The following NRXN1 variants were observed in gnomAD, a reference collection of about 807,000 sequenced individuals.
The protein encoded by NRXN1 is neurexin 1.
Under a neutral mutation model 150.9 loss-of-function variants are expected in NRXN1, and 39 were observed. The observed-to-expected ratio is 0.26, with a 90% CI of 0.20 to 0.34. The LOEUF (loss-of-function observed/expected upper bound fraction) is 0.34. NRXN1 is among the 10% of genes least tolerant of loss of function. NRXN1 has a pLI of 1.00. For synonymous variants in NRXN1, 924 were observed against 757.0 expected, an observed-to-expected ratio of 1.22 and a Z score of -3.62; for missense variants, 1,815 against 1,949.9, an observed-to-expected ratio of 0.93 and a Z score of 1.30.
At chr2:50,008,055 C>A (rs1685059790) in intron 21 of NRXN1, among the ~76,000 whole-genome samples, 1 of 152,134 alleles carries the variant, frequency 6.6e-6, no homozygotes, top group East Asian at 1.9e-4. Context: ...TACTTATTCT[C>A]TTTAAATGTG....
At chr2:50,972,206 G>C (rs547112435) in intron 2 of NRXN1, among the ~76,000 whole-genome samples, 75 of 152,060 alleles carry the variant, frequency 4.9e-4, no homozygotes, top group Non-Finnish European at 8.8e-4. Context: ...TGCCCATTTG[G>C]AAAGGTTCAT....
At chr2:50,459,374 GTCACATGGGTTTGTTGTACAGA>G (rs2087924407) in intron 17 of NRXN1, among the ~76,000 whole-genome samples, 1 of 152,024 alleles carries the variant, frequency 6.6e-6, no homozygotes, top group Non-Finnish European at 1.5e-5. Context: ...GTAAACTTGT[GTCACATGGGTTTGTTGTACAGA>G]TCACTTCATC....
At chr2:50,200,528 A>C (rs2062084547) in intron 18 of NRXN1, among the ~76,000 whole-genome samples, 1 of 152,174 alleles carries the variant, frequency 6.6e-6, no homozygotes, top group Non-Finnish European at 1.5e-5. Flanking sequence ...ACAAGGCTGC[A>C]GATAGCGACA....
intron 17 of NRXN1, among the ~76,000 whole-genome samples, chr2:50,319,449 C>T (rs1558517015): frequency 6.6e-6 from 1 of 152,124 alleles, no homozygotes; most frequent in East Asian, 1.9e-4. Flanking sequence ...GAGAAAAAGA[C>T]ACCTGACTAA....
chr2:50,591,064 T>C (rs938171085), intron 8 of NRXN1, among the ~76,000 whole-genome samples: 2 of 152,154 alleles, frequency 1.3e-5, no homozygotes, highest in East Asian at 3.9e-4. Flanking sequence ...TTGATCAACA[T>C]GCTGCAAAGA....
At chr2:50,548,558 C>T (rs1393589105) in intron 9 of NRXN1, among the ~76,000 whole-genome samples, 1 of 151,642 alleles carries the variant, frequency 6.6e-6, no homozygotes, top group Non-Finnish European at 1.5e-5. Flanking sequence ...TTTAGAGTAT[C>T]AGGGGTTGTT....
At chr2:50,277,026 G>A (rs2070571215) in intron 17 of NRXN1, among the ~76,000 whole-genome samples, 1 of 152,044 alleles carries the variant, frequency 6.6e-6, no homozygotes, top group Non-Finnish European at 1.5e-5. Flanking sequence ...CAGAAGGATA[G>A]CCTTACCTTT....
intron 17 of NRXN1, among the ~76,000 whole-genome samples, chr2:50,386,073 TAA>T (rs1386237501): frequency 6.6e-6 from 1 of 151,984 alleles, no homozygotes; most frequent in Non-Finnish European, 1.5e-5. Context: ...GATCTCTACA[TAA>T]AGTTTTTCTA....
At chr2:49,934,533 G>A (rs1313515149) in intron 22 of NRXN1, among the ~76,000 whole-genome samples, 2 of 152,130 alleles carry the variant, frequency 1.3e-5, no homozygotes, top group African/African-American at 2.4e-5. Context: ...CTTTTGTTGG[G>A]AAAAAGATCA....
intron 5 of NRXN1, among the ~76,000 whole-genome samples, chr2:50,788,842 T>A (rs1705527405): frequency 6.6e-6 from 1 of 152,074 alleles, no homozygotes; most frequent in African/African-American, 2.4e-5. Context: ...TTAAACACAG[T>A]AATTATCACA....
chr2:50,898,732 G>A, intron 5 of NRXN1: 1 of 304,264 alleles, frequency 3.3e-6, no homozygotes, highest in Non-Finnish European at 6.4e-6. Context: ...CTTCAGAAAT[G>A]AATGCTTTGA....
At chr2:50,052,749 A>T (rs1162602230) in intron 21 of NRXN1, among the ~76,000 whole-genome samples, 3 of 152,144 alleles carry the variant, frequency 2.0e-5, no homozygotes, top group African/African-American at 7.2e-5. Context: ...TTTATTTTTA[A>T]ATAAATAGTG....
intron 17 of NRXN1, among the ~76,000 whole-genome samples, chr2:50,365,485 T>C (rs2079521937): frequency 6.6e-6 from 1 of 152,110 alleles, no homozygotes; most frequent in Admixed American, 6.6e-5. Flanking sequence ...ATGACGTATG[T>C]TTAAGAAAGT....
intron 5 of NRXN1, among the ~76,000 whole-genome samples, chr2:50,914,685 A>G (rs1376737671): frequency 3.3e-5 from 5 of 151,836 alleles, no homozygotes; most frequent in Admixed American, 3.3e-4. Context: ...ACGATACAAA[A>G]ACTTTTTTGT....
At chr2:50,579,584 G>C (rs1381226764) in intron 8 of NRXN1, among the ~76,000 whole-genome samples, 2 of 152,184 alleles carry the variant, frequency 1.3e-5, no homozygotes, top group Non-Finnish European at 2.9e-5. Context: ...GGGAGATTGA[G>C]GCTATAGTGA....
intron 8 of NRXN1, among the ~76,000 whole-genome samples, chr2:50,579,311 A>G (rs1175757916): frequency 1.3e-5 from 2 of 152,190 alleles, no homozygotes; most frequent in Non-Finnish European, 2.9e-5. Flanking sequence ...ACTAAATAGG[A>G]AAGCCTGTAT....
At chr2:50,593,589 A>C (rs61309113) in intron 8 of NRXN1, among the ~76,000 whole-genome samples, 1 of 152,156 alleles carries the variant, frequency 6.6e-6, no homozygotes, top group Admixed American at 6.5e-5. Context: ...TTGGGGTTCT[A>C]TCTGATCCCT....
chr2:50,433,962 T>C (rs977265236), intron 17 of NRXN1, among the ~76,000 whole-genome samples: 2 of 151,820 alleles, frequency 1.3e-5, no homozygotes, highest in Non-Finnish European at 2.9e-5. Context: ...CCTGACAATA[T>C]TTATGTTTCA....
At chr2:50,069,978 G>A (rs1257757027) in intron 19 of NRXN1, among the ~76,000 whole-genome samples, 1 of 151,294 alleles carries the variant, frequency 6.6e-6, no homozygotes, top group Non-Finnish European at 1.5e-5. Context: ...AGCCTCCCGA[G>A]TAGCTGGAAC....
Sources: gnomAD v4.1 joint callset for allele counts (sites outside exome capture counted in the v4.1 genomes callset) on GRCh38, gnomAD v4.1.1 for gene constraint, MANE v1.5 for transcripts, NCBI Gene and HGNC (gene_info 2026-07-23, HGNC 2026-07-21) for gene names.